Variants in TMEM132D observed in about 807,000 individuals in gnomAD.
The protein encoded by TMEM132D is mature OL transmembrane protein.
In TMEM132D, 21 loss-of-function variants were observed where a neutral mutation model predicts 62.3. The observed-to-expected ratio is 0.34, with a 90% CI of 0.24 to 0.49. The LOEUF (loss-of-function observed/expected upper bound fraction) is 0.49. Ranked by LOEUF, TMEM132D falls within the 20% of genes least tolerant of loss-of-function variation. The probability of loss-of-function intolerance (pLI) is 0.99; values close to 1 mark genes in which losing one functional copy is unlikely to be tolerated. For synonymous variants in TMEM132D, 621 were observed against 575.6 expected (o/e 1.08, Z -1.13); for missense variants, 1,346 against 1,402.8 (o/e 0.96, Z 0.65).
At chr12:129,413,439 A>T (rs1399950277) in intron 3 of TMEM132D, among the ~76,000 whole-genome samples, 1 of 152,178 alleles carries the variant, frequency 6.6e-6, no homozygotes, top group Non-Finnish European at 1.5e-5. Context: ...TTTCTTTATA[A>T]ATTACACAGA....
At chr12:129,797,245 G>A (rs1019552262) in intron 1 of TMEM132D, among the ~76,000 whole-genome samples, 9 of 152,092 alleles carry the variant, frequency 5.9e-5, no homozygotes, top group South Asian at 2.1e-4. Flanking sequence ...CCTGTCTCCC[G>A]GGAGGGCTAC....
At chr12:129,451,369 A>C (rs1207812568) in intron 3 of TMEM132D, among the ~76,000 whole-genome samples, 1 of 152,042 alleles carries the variant, frequency 6.6e-6, no homozygotes, top group Non-Finnish European at 1.5e-5. Context: ...GCATAGCTGC[A>C]CCCCTGCACG....
rs529212637 is a variant in TMEM132D at position 129,199,195 on chromosome 12, G to A, written c.1443+10325C>T. ...TGCCATCATGGCTCACTGCAGCCTCGACTTCCCAGGCTCCAGCAATTCTCC... is the reference window on the plus strand; with the variant it reads ...TGCCATCATGGCTCACTGCAGCCTCAACTTCCCAGGCTCCAGCAATTCTCC... On this transcript the variant is annotated intron_variant, in intron 5 of 8. Coordinates refer to ENST00000422113, the MANE Select transcript of TMEM132D (RefSeq NM_133448.3). Among the ~76,000 whole-genome samples the A allele has an allele frequency of 4.3e-5, 6 of 139,506 alleles. 1 individual carries two copies. The highest frequency in any genetic ancestry group is 6.0e-5 in the Non-Finnish European group (4 of 66,470). The allele number at this position is 139,506 out of a possible 152,430, so 91.5% of individuals were successfully genotyped here.
chr12:129,810,489 GA>G (rs1239177955), intron 1 of TMEM132D, among the ~76,000 whole-genome samples: 1 of 152,002 alleles, frequency 6.6e-6, no homozygotes, highest in Non-Finnish European at 1.5e-5. Flanking sequence ...ATGAGGATGG[GA>G]AATGAGGCCC....
At chr12:129,085,961 C>T (rs1241388310) in intron 5 of TMEM132D, 3 of 152,314 alleles carry the variant, frequency 2.0e-5, no homozygotes, top group African/African-American at 7.2e-5. Context: ...ATAATAGCTC[C>T]GAAAGGTATC....
At position 129,315,018 on chromosome 12, in the gene TMEM132D, C is replaced by T. The variant is rs114747058; in HGVS notation, c.1299+22616G>A. Among the ~76,000 whole-genome samples the T allele has an allele frequency of 7.6e-3, 1,164 of 152,210 alleles. 13 individuals are homozygous for T. Among genetic ancestry groups the T allele is most frequent in the African/African-American group, 0.027 (1,107 of 41,546 alleles). ...TTGTATCCACAAATTTTGCTGAATT[C>T]TTTCATCAGTTCTAGGAGCTTTCAG... On this transcript the variant is annotated intron_variant, in intron 4 of 8. Transcript: ENST00000422113.
Position 129,699,900 on chromosome 12 carries a change from T to A in TMEM132D, c.878A>T (p.His293Leu). Reference sequence around the variant, plus strand: ...TTTCCTCACGGTCTTTGGTATATAGTGGATGGCCACGCTGTTGTCCAGACG... The same window carrying A: ...TTTCCTCACGGTCTTTGGTATATAGAGGATGGCCACGCTGTTGTCCAGACG... ...ELRLDNSVAI[H>L]YIPKTVRKGD... The change falls in exon 2 of 9, where the codon CAC becomes CTC. Residue 293 changes from histidine (H) to leucine (L), a missense_variant. His to Leu is a moderately conservative substitution (Grantham distance 99, BLOSUM62 -3). Transcript: ENST00000422113. 1.2e-6 allele frequency: 2 copies of A among 1,614,156 alleles called. No individual in the cohort carries two copies. The highest frequency in any genetic ancestry group is 1.7e-6 in the Non-Finnish European group (2 of 1,180,022).
chr12:129,527,574 T>A (rs1033998556), intron 3 of TMEM132D, among the ~76,000 whole-genome samples: 1 of 152,128 alleles, frequency 6.6e-6, no homozygotes, highest in Non-Finnish European at 1.5e-5. Flanking sequence ...AGTATACTGA[T>A]CCTCCTTTCT....
intron 5 of TMEM132D, among the ~76,000 whole-genome samples, chr12:129,096,669 CT>C (rs1267282133): frequency 6.6e-6 from 1 of 152,182 alleles, no homozygotes; most frequent in Non-Finnish European, 1.5e-5. Flanking sequence ...GGAAGAAAGT[CT>C]GAGTCTCTTT....
chr12:129,075,592 CCTGCCTTTTCTGGGT>C (rs1315819563), intron 8 of TMEM132D, among the ~76,000 whole-genome samples: 4 of 152,182 alleles, frequency 2.6e-5, no homozygotes, highest in African/African-American at 4.8e-5. Context: ...TTTTGCCAGC[CCTGCCTTTTCTGGGT>C]CTGCAGGAGT....
chr12:129,614,364 T>C (rs1002490036), intron 2 of TMEM132D, among the ~76,000 whole-genome samples: 5 of 152,240 alleles, frequency 3.3e-5, no homozygotes, highest in African/African-American at 1.2e-4. Context: ...GAGGGACTGA[T>C]GCCCTGCTGC....
chr12:129,295,718 C>T (rs908482580), intron 4 of TMEM132D, among the ~76,000 whole-genome samples: 1 of 152,002 alleles, frequency 6.6e-6, no homozygotes, highest in African/African-American at 2.4e-5. Flanking sequence ...ATAGCAAAGT[C>T]GAGGATGCTC....
intron 5 of TMEM132D, among the ~76,000 whole-genome samples, chr12:129,127,816 G>A (rs12306366): frequency 0.029 from 4,363 of 152,268 alleles, 218 homozygotes; most frequent in African/African-American, 0.1. Flanking sequence ...CTTGTCTCCC[G>A]TCTCACACTC....
chr12:129,631,885 C>T (rs747769391), intron 2 of TMEM132D, among the ~76,000 whole-genome samples: 3 of 152,148 alleles, frequency 2.0e-5, no homozygotes, highest in Non-Finnish European at 4.4e-5. Flanking sequence ...AACTCCTGTA[C>T]CTTGAAAAAC....
intron 3 of TMEM132D, among the ~76,000 whole-genome samples, chr12:129,351,491 A>C (rs891320795): frequency 5.3e-5 from 8 of 152,204 alleles, no homozygotes; most frequent in African/African-American, 1.9e-4. Context: ...ATGGCTTTGG[A>C]CATTTTAACA....
chr12:129,722,279 A>G (rs936498800), intron 1 of TMEM132D, among the ~76,000 whole-genome samples: 11 of 152,182 alleles, frequency 7.2e-5, no homozygotes, highest in African/African-American at 2.7e-4. Context: ...GGGTTGGGCC[A>G]AGGGAGCCAC....
At chr12:129,180,465 T>C (rs1012913304) in intron 5 of TMEM132D, among the ~76,000 whole-genome samples, 6 of 152,218 alleles carry the variant, frequency 3.9e-5, no homozygotes, top group Non-Finnish European at 8.8e-5. Context: ...TTTTGTTCAA[T>C]GTTACCTACT....
intron 3 of TMEM132D, among the ~76,000 whole-genome samples, chr12:129,513,989 C>T (rs575904181): frequency 1.3e-3 from 192 of 151,278 alleles, no homozygotes; most frequent in Non-Finnish European, 2.2e-3. Flanking sequence ...AGGCGCCCGC[C>T]ACCACGCCTG....
intron 2 of TMEM132D, among the ~76,000 whole-genome samples, chr12:129,671,147 T>C (rs1380438095): frequency 6.6e-6 from 1 of 152,180 alleles, no homozygotes; most frequent in Non-Finnish European, 1.5e-5. Context: ...TTTAATAATA[T>C]TCCCTGCAAG....
Sources: allele counts gnomAD v4.1 joint callset (sites outside exome capture counted in the v4.1 genomes callset), GRCh38; gene constraint gnomAD v4.1.1; transcripts MANE v1.5; gene names NCBI Gene and HGNC (gene_info 2026-07-23, HGNC 2026-07-21).